PALLD: variants seen among roughly 807,000 people sequenced by gnomAD.
PALLD encodes palladin.
A neutral mutation model predicts 123.5 loss-of-function variants in PALLD; 61 were observed. The observed-to-expected ratio is 0.49, with a 90% confidence interval of 0.40 to 0.61. The LOEUF (loss-of-function observed/expected upper bound fraction) is 0.61. Among genes scored for constraint, PALLD ranks in the 20% least tolerant of loss-of-function variants. The pLI is 0.00. For missense variants in PALLD, 1,273 were observed against 1,377.0 expected (o/e 0.92, Z 1.20); for synonymous variants, 465 against 496.4 (o/e 0.94, Z 0.84).
intron 11 of PALLD, among the ~76,000 whole-genome samples, chr4:168,893,021 G>A (rs1477835026): frequency 1.3e-5 from 2 of 152,054 alleles, no homozygotes; most frequent in African/African-American, 4.8e-5. Context: ...GTAGACACGG[G>A]CTTTTATAGC....
intron 10 of PALLD, among the ~76,000 whole-genome samples, chr4:168,819,327 TTGTGTGTGTGTGTGTGTG>T (rs3046003): frequency 6.7e-6 from 1 of 148,830 alleles, no homozygotes; most frequent in African/African-American, 2.5e-5. Context: ...CCGAGACCAT[TTGTGTGTGTGTGTGTGTG>T]TGTGTGTGTG....
intron 10 of PALLD, among the ~76,000 whole-genome samples, chr4:168,733,924 A>G (rs1306445962): frequency 1.3e-5 from 2 of 152,122 alleles, no homozygotes; most frequent in Non-Finnish European, 2.9e-5. Flanking sequence ...TTTAGTAGAG[A>G]CGGGGTTTCA....
intron 10 of PALLD, among the ~76,000 whole-genome samples, chr4:168,727,408 T>C (rs559777965): frequency 1.0e-3 from 153 of 152,306 alleles, no homozygotes; most frequent in Non-Finnish European, 2.0e-3. Flanking sequence ...GACTTTTTAA[T>C]AGTAGCTGAT....
intron 2 of PALLD, among the ~76,000 whole-genome samples, chr4:168,651,847 A>G (rs1430456951): frequency 2.0e-5 from 3 of 152,242 alleles, no homozygotes; most frequent in Admixed American, 6.5e-5. Flanking sequence ...TGCAAATTTT[A>G]TCTCTTATTG....
chr4:168,893,775 TA>T (rs1292526015), intron 11 of PALLD, among the ~76,000 whole-genome samples: 1 of 152,206 alleles, frequency 6.6e-6, no homozygotes, highest in Non-Finnish European at 1.5e-5. Context: ...AAGAATGGCA[TA>T]GGTAAAACGG....
intron 10 of PALLD, among the ~76,000 whole-genome samples, chr4:168,722,017 A>G (rs7675374): frequency 0.11 from 17,452 of 152,212 alleles, 1,167 homozygotes; most frequent in East Asian, 0.36. Flanking sequence ...TTAAATGAAT[A>G]TGATATGAAT....
In PALLD at chr4:168,891,060, A is replaced by G; in HGVS notation, c.2100+3A>G. ...ACCTCCTGAACAATGGCCAGCCGGT[A>G]CTGATAGATTTGGGACCTGGACTTG... On this transcript the variant is annotated splice_donor_region_variant and intron_variant, in intron 11 of 21. Coordinates refer to ENST00000505667, the MANE Select transcript of PALLD (RefSeq NM_001166108.2). 1 of 1,614,140 alleles carries G rather than the reference A, an allele frequency of 6.2e-7. No individual in the cohort carries two copies. Among genetic ancestry groups the G allele is most frequent in the Non-Finnish European group, 8.5e-7 (1 of 1,179,980 alleles).
At chr4:168,774,095 AATAT>A (rs1554080597) in intron 10 of PALLD, among the ~76,000 whole-genome samples, 1 of 150,132 alleles carries the variant, frequency 6.7e-6, no homozygotes. Flanking sequence ...GATTAAAAAA[AATAT>A]ATATATCCTG....
chr4:168,626,002 G>T (rs139298457), intron 2 of PALLD, among the ~76,000 whole-genome samples: 429 of 152,226 alleles, frequency 2.8e-3, no homozygotes, highest in Non-Finnish European at 4.6e-3. Context: ...AGAAAAAGTG[G>T]CCTGTAATCC....
At chr4:168,572,884 A>G (rs975198339) in intron 2 of PALLD, among the ~76,000 whole-genome samples, 4 of 150,060 alleles carry the variant, frequency 2.7e-5, no homozygotes, top group African/African-American at 9.8e-5. Flanking sequence ...TCTGATCCAG[A>G]CATCAGCCTG....
intron 2 of PALLD, among the ~76,000 whole-genome samples, chr4:168,541,347 C>T (rs566556198): frequency 3.9e-5 from 6 of 152,314 alleles, no homozygotes; most frequent in African/African-American, 7.2e-5. Context: ...CCTATAAAAA[C>T]GTCCTCTCTT....
At chr4:168,738,330 C>T (rs1787962296) in intron 10 of PALLD, among the ~76,000 whole-genome samples, 1 of 152,186 alleles carries the variant, frequency 6.6e-6, no homozygotes, top group Non-Finnish European at 1.5e-5. Context: ...ATGGAAGACA[C>T]AGAGCATACA....
chr4:168,858,784 A>C (rs1427066317), intron 10 of PALLD, among the ~76,000 whole-genome samples: 1 of 95,768 alleles, frequency 1.0e-5, no homozygotes, highest in Non-Finnish European at 2.7e-5. Flanking sequence ...CCAGTCTCAA[A>C]AAAAATAAAA....
At chr4:168,717,728 G>A (rs1785499161) in intron 10 of PALLD, among the ~76,000 whole-genome samples, 1 of 152,076 alleles carries the variant, frequency 6.6e-6, no homozygotes, top group Admixed American at 6.6e-5. Context: ...CCACATTACA[G>A]TACTTTTCCA....
At chr4:168,704,098 T>A (rs1231343068) in intron 8 of PALLD, among the ~76,000 whole-genome samples, 1 of 151,744 alleles carries the variant, frequency 6.6e-6, no homozygotes, top group Non-Finnish European at 1.5e-5. Flanking sequence ...AACTATCTGA[T>A]CTTTGACAAA....
At chr4:168,531,521 G>A (rs534834147) in intron 2 of PALLD, among the ~76,000 whole-genome samples, 8 of 152,268 alleles carry the variant, frequency 5.3e-5, no homozygotes, top group African/African-American at 1.9e-4. Flanking sequence ...GACTCACACT[G>A]GACACTGAGT....
At chr4:168,543,073 C>T (rs1157758336) in intron 2 of PALLD, among the ~76,000 whole-genome samples, 1 of 152,006 alleles carries the variant, frequency 6.6e-6, no homozygotes, top group Non-Finnish European at 1.5e-5. Context: ...GTCTCGTCTA[C>T]TTTATGAGAA....
chr4:168,610,483 G>A (rs1014421479), intron 2 of PALLD, among the ~76,000 whole-genome samples: 4 of 152,212 alleles, frequency 2.6e-5, no homozygotes, highest in African/African-American at 4.8e-5. Flanking sequence ...GGGTGCTGGG[G>A]AAGGCAATGC....
chr4:168,662,779 C>T (rs915117129), intron 2 of PALLD, among the ~76,000 whole-genome samples: 1 of 152,148 alleles, frequency 6.6e-6, no homozygotes, highest in Non-Finnish European at 1.5e-5. Context: ...GAATTATGAC[C>T]TTTGAGAAAC....
Sources: gnomAD v4.1 joint callset for allele counts (sites outside exome capture counted in the v4.1 genomes callset) on GRCh38, gnomAD v4.1.1 for gene constraint, MANE v1.5 for transcripts, NCBI Gene and HGNC (gene_info 2026-07-23, HGNC 2026-07-21) for gene names.